The following AGAP1 variants were observed in gnomAD, a reference collection of about 807,000 sequenced individuals.
The protein encoded by AGAP1 is arf-GAP with GTPase, ANK repeat and PH domain-containing protein 1.
Under a neutral mutation model 105.3 loss-of-function variants are expected in AGAP1, and 29 were observed. That is an observed-to-expected ratio of 0.28 (90% CI 0.21 to 0.38). The LOEUF (loss-of-function observed/expected upper bound fraction) is 0.38. Ranked by LOEUF, AGAP1 falls within the 10% of genes least tolerant of loss-of-function variation. AGAP1 has a pLI of 1.00. For synonymous variants in AGAP1, 509 were observed against 485.9 expected, an observed-to-expected ratio of 1.05 and a Z score of -0.63; for missense variants, 998 against 1,165.1, an observed-to-expected ratio of 0.86 and a Z score of 2.09.
Position 235,601,445 on chromosome 2 carries a change from C to G in AGAP1, c.163+106596C>G, listed in dbSNP as rs1945728088. Among the ~76,000 whole-genome samples, 1 of 152,178 alleles carries G rather than the reference C, an allele frequency of 6.6e-6. No homozygotes were observed. Among genetic ancestry groups the G allele is most frequent in the Non-Finnish European group, 1.5e-5 (1 of 68,044 alleles). On this transcript the variant is annotated intron_variant, in intron 1 of 17. Coordinates refer to ENST00000304032, the MANE Select transcript of AGAP1 (RefSeq NM_001037131.3). This position sits in a 1 kb window ranked among gnomAD's most constrained non-coding sequence, Gnocchi z 4.4. ...AAAGAAGTTTAACGGACTCACAGTT[C>G]TACATGGCTGGGGAGGCCTCACAGT...
intron 16 of AGAP1, 190 bp downstream of exon 16, chr2:236,049,471 C>G: frequency 1.9e-6 from 1 of 535,826 alleles, no homozygotes; most frequent in Non-Finnish European, 3.3e-6. Context: ...ATTCACACTC[C>G]TTAATTTTTT....
Position 235,686,654 on chromosome 2 carries a change from TATATATA to T in AGAP1, c.164-22524_164-22518del, listed in dbSNP as rs1559351082. On this transcript the variant is annotated intron_variant, in intron 1 of 17. Transcript: ENST00000304032. ...ATATATATATATATATAGATATATA[TATATATA>T]TATATTTTTTTTTTTTTTTAGACAG... Among the ~76,000 whole-genome samples the T allele has an allele frequency of 3.9e-3, 247 of 63,274 alleles. 5 individuals carry two copies. The highest frequency in any genetic ancestry group is 0.01 in the South Asian group (20 of 1,926). The allele number at this position is 63,274 out of a possible 152,430, so 41.5% of individuals were successfully genotyped here.
intron 16 of AGAP1, among the ~76,000 whole-genome samples, chr2:236,099,403 C>T (rs867764103): frequency 2.0e-5 from 3 of 150,398 alleles, no homozygotes; most frequent in African/African-American, 7.3e-5. Context: ...TGCGGTGAGC[C>T]GAGATCACAC....
rs893745806 is a variant in AGAP1, at chr2:235,639,139, A to G, written c.164-70040A>G. Among the ~76,000 whole-genome samples, 7 of 152,078 alleles carry G rather than the reference A, an allele frequency of 4.6e-5. No individual in the cohort carries two copies. Among genetic ancestry groups the G allele is most frequent in the African/African-American group, 1.7e-4 (7 of 41,416 alleles). On this transcript the variant is annotated intron_variant, in intron 1 of 17. Transcript: ENST00000304032. The surrounding 1 kb of genome is among the most constrained non-coding windows in gnomAD (Gnocchi z 5.3). ...TTGGTCAAGGCAGGAATGAGGGTGG[A>G]TGTGGGGCATGGGGAATTGGACGGA...
chr2:235,818,089 C>G (rs1380144214), intron 9 of AGAP1, among the ~76,000 whole-genome samples: 1 of 152,224 alleles, frequency 6.6e-6, no homozygotes, highest in Non-Finnish European at 1.5e-5. Context: ...ACTCCCTAAC[C>G]TTTCCTTCTG....
At chr2:235,650,275 T>G (rs1947538102) in intron 1 of AGAP1, among the ~76,000 whole-genome samples, 1 of 152,150 alleles carries the variant, frequency 6.6e-6, no homozygotes, top group South Asian at 2.1e-4. Flanking sequence ...ACAGGAAAAA[T>G]CACTTGAACT....
intron 1 of AGAP1, among the ~76,000 whole-genome samples, chr2:235,696,297 C>T (rs1575154323): frequency 6.6e-6 from 1 of 152,322 alleles, no homozygotes; most frequent in African/African-American, 2.4e-5. Context: ...CCACCTGCCT[C>T]GGCCTCCCAA....
At chr2:235,854,207 G>A (rs4625852) in intron 9 of AGAP1, among the ~76,000 whole-genome samples, 22,800 of 152,032 alleles carry the variant, frequency 0.15, 2,016 homozygotes, top group South Asian at 0.23. Context: ...TTTGAAAACC[G>A]GTGATCAAGT....
At chr2:235,597,071 C>T (rs752847896) in intron 1 of AGAP1, among the ~76,000 whole-genome samples, 5 of 152,220 alleles carry the variant, frequency 3.3e-5, no homozygotes, top group Middle Eastern at 3.4e-3. Flanking sequence ...GATAGCAGCC[C>T]CAGCCGACTC....
rs2125447774 is a variant in AGAP1, at chr2:235,989,736, A to G, written c.1645+21113A>G. Among the ~76,000 whole-genome samples the G allele has an allele frequency of 6.6e-6, 1 of 152,336 alleles. No individual in the cohort carries two copies. The highest frequency in any genetic ancestry group is 1.9e-4 in the East Asian group (1 of 5,180). ...GGGGAATCCCTGGAGGAGGTGGGTC[A>G]GTGGGAGGAGGACTGAAGACATTGG... On this transcript the variant is annotated intron_variant, in intron 13 of 17. Coordinates refer to ENST00000304032, the MANE Select transcript of AGAP1 (RefSeq NM_001037131.3). This position sits in a 1 kb window ranked among gnomAD's most constrained non-coding sequence, Gnocchi z 4.4.
chr2:235,681,304 C>CT (rs1949058761), intron 1 of AGAP1, among the ~76,000 whole-genome samples: 4 of 152,050 alleles, frequency 2.6e-5, no homozygotes. Flanking sequence ...CCACCATGCC[C>CT]GGCAATTTTA....
intron 1 of AGAP1, among the ~76,000 whole-genome samples, chr2:235,673,487 A>C (rs542902756): frequency 6.8e-4 from 103 of 152,302 alleles, no homozygotes; most frequent in African/African-American, 2.2e-3. Context: ...TGCTTGTGAG[A>C]TCGGGTGGCG....
intron 2 of AGAP1, 73 bp from the exon 3 acceptor site, chr2:235,717,484 A>T: frequency 7.8e-7 from 1 of 1,285,540 alleles, no homozygotes; most frequent in Non-Finnish European, 1.1e-6. Flanking sequence ...TGTCTATTTT[A>T]GCCTCTTAGT....
At chr2:235,515,120 A>T (rs1272032270) in intron 1 of AGAP1, among the ~76,000 whole-genome samples, 1 of 152,152 alleles carries the variant, frequency 6.6e-6, no homozygotes, top group Admixed American at 6.6e-5. Flanking sequence ...GAACTTGTTT[A>T]CCCTTCAAGC....
intron 1 of AGAP1, chr2:235,670,873 G>T: frequency 1.5e-6 from 2 of 1,369,788 alleles, no homozygotes; most frequent in Non-Finnish European, 1.9e-6. Flanking sequence ...GGGCCGGCGC[G>T]GCCTCGGAGC....
Position 236,051,793 on chromosome 2 carries a change from G to C in AGAP1, c.2114+2512G>C, listed in dbSNP as rs1252993000. Among the ~76,000 whole-genome samples, 1 of 152,184 alleles carries C rather than the reference G, an allele frequency of 6.6e-6. No individual in the cohort carries two copies. Among genetic ancestry groups the C allele is most frequent in the Non-Finnish European group, 1.5e-5 (1 of 68,032 alleles). On this transcript the variant is annotated intron_variant, in intron 16 of 17. Transcript: ENST00000304032. This position sits in a 1 kb window ranked among gnomAD's most constrained non-coding sequence, Gnocchi z 5.9. ...ACTAAAGGCAGCCAGCAAGGTCTGTGTCCCTTCCCGCTGGAAGGCCAGGGT... is the reference window on the plus strand; with the variant it reads ...ACTAAAGGCAGCCAGCAAGGTCTGTCTCCCTTCCCGCTGGAAGGCCAGGGT...
At chr2:235,572,382 C>CT (rs143663222) in intron 1 of AGAP1, among the ~76,000 whole-genome samples, 1,868 of 152,148 alleles carry the variant, frequency 0.012, 39 homozygotes, top group African/African-American at 0.043. Flanking sequence ...CTCACTGTTG[C>CT]TGTGCACTGG....
chr2:235,572,003 C>CACACT (rs1336199763), intron 1 of AGAP1, among the ~76,000 whole-genome samples: 3 of 93,496 alleles, frequency 3.2e-5, no homozygotes, highest in East Asian at 6.6e-4. Flanking sequence ...CACACACACA[C>CACACT]TTTTTTTTTT....
At chr2:235,950,168 C>T (rs913730834) in intron 12 of AGAP1, among the ~76,000 whole-genome samples, 1 of 152,142 alleles carries the variant, frequency 6.6e-6, no homozygotes, top group African/African-American at 2.4e-5. Flanking sequence ...GCCTGGGTTA[C>T]GGCCCCAGTG....
Sources: allele counts gnomAD v4.1 joint callset (sites outside exome capture counted in the v4.1 genomes callset), GRCh38; gene constraint gnomAD v4.1.1; non-coding constraint Gnocchi (gnomAD v3.1); transcripts MANE v1.5; gene names NCBI Gene and HGNC (gene_info 2026-07-23, HGNC 2026-07-21).